ULK2: variants seen among roughly 807,000 people sequenced by gnomAD.
ULK2 encodes the protein serine/threonine-protein kinase ULK2.
A neutral mutation model predicts 127.5 loss-of-function variants in ULK2; 76 were observed. The ratio of observed to expected loss-of-function variants is 0.60; its 90% CI spans 0.50 to 0.72. The LOEUF is 0.72. Among genes scored for constraint, ULK2 ranks in the 30% least tolerant of loss-of-function variants. The probability of loss-of-function intolerance (pLI) is 0.00; values close to 1 mark genes in which losing one functional copy is unlikely to be tolerated. For missense variants in ULK2, 1,144 were observed against 1,295.9 expected (o/e 0.88, Z 1.80); for synonymous variants, 452 against 461.9 (o/e 0.98, Z 0.28).
In ULK2 at chr17:19,796,341, TCAGTA is replaced by T. The variant is rs1243098779; in HGVS notation, c.1810-64_1810-60del. The T allele has an allele frequency of 5.5e-6, 8 of 1,452,068 alleles. No individual in the cohort carries two copies. The East Asian group carries it at 2.0e-4, about 37-fold the overall frequency. 89.9% of individuals were successfully genotyped at this position (1,452,068 alleles called of 1,614,324 possible). A position where few individuals can be genotyped will look rare whatever the true frequency, so the allele number is the denominator to read the frequency against. On this transcript the variant is annotated intron_variant, in intron 18 of 26. Transcript: ENST00000395544. ...CTAGTTAATACGATGCATGAACTAT[TCAGTA>T]CTGGCAGGTTTGTGTGACCCAGTAG...
intron 3 of ULK2, chr17:19,856,242 A>C (rs1352358039): frequency 1.3e-5 from 2 of 152,116 alleles, no homozygotes; most frequent in Non-Finnish European, 2.9e-5. Flanking sequence ...AAATTCACAA[A>C]AACAGAATTA....
At chr17:19,865,905 G>GT in intron 1 of ULK2, 77 bp from the exon 2 acceptor site, 1 of 815,074 alleles carries the variant, frequency 1.2e-6, no homozygotes, top group South Asian at 1.7e-5. Flanking sequence ...GCGCGAAGGT[G>GT]TTTTTGGCAA....
chr17:19,799,679 C>T (rs1207270682), intron 16 of ULK2, 104 bp from the exon 17 acceptor site: 8 of 1,141,488 alleles, frequency 7.0e-6, no homozygotes, highest in Non-Finnish European at 9.4e-6. Flanking sequence ...CAGTAAACTA[C>T]TGGTTAGAAA....
In ULK2 at chr17:19,856,735, G is replaced by T. The variant is rs1457191566; in HGVS notation, c.226-6961C>A. ...CGCCTGGAATCCCAGCACTTTGGGTGGCCGAGGCGGGCAGATCACAAGGTC... is the reference window on the plus strand; with the variant it reads ...CGCCTGGAATCCCAGCACTTTGGGTTGCCGAGGCGGGCAGATCACAAGGTC... On this transcript the variant is annotated intron_variant, in intron 3 of 26. Transcript: ENST00000395544. 2.0e-5 allele frequency among the ~76,000 whole-genome samples: 3 copies of T among 151,746 alleles called. No individual in the cohort carries two copies. In the East Asian group the frequency reaches 5.9e-4, roughly 30 times the overall value.
chr17:19,783,787 C>T lies in ULK2; in HGVS notation c.2370G>A (p.Leu790=), dbSNP rs1219945739. ...GTGAAGCACCGTAAGGCACGTATCT[C>T]AGGCTGGGAGCTGCCTCTGCTCCTG... ...SPPGAEAAPS[L]RYVPYGASPP... is the part of the protein sequence containing the mutation. The change falls in exon 22 of 27, where the codon CTG becomes CTA. Residue 790 remains leucine, a synonymous_variant. Transcript: ENST00000395544. 6.2e-7 allele frequency: 1 copy of T among 1,604,106 alleles called. No individual in the cohort carries two copies. Among genetic ancestry groups the T allele is most frequent in the Non-Finnish European group, 8.5e-7 (1 of 1,175,096 alleles).
At chr17:19,781,240 T>TTA in intron 23 of ULK2, 136 bp from the exon 24 acceptor site, 3 of 651,928 alleles carry the variant, frequency 4.6e-6, no homozygotes, top group Non-Finnish European at 7.5e-6. Flanking sequence ...CTTCTTTCTT[T>TTA]TCTTTTTTTT....
chr17:19,847,698 T>C (rs1333057725), intron 5 of ULK2, among the ~76,000 whole-genome samples: 2 of 152,140 alleles, frequency 1.3e-5, no homozygotes, highest in East Asian at 3.8e-4. Flanking sequence ...TACAGGCATG[T>C]ATCACCATGC....
chr17:19,796,080 G>T lies in ULK2; in HGVS notation c.1997+15C>A. 1 of 1,591,630 alleles carries T rather than the reference G, an allele frequency of 6.3e-7. No homozygotes were observed. The highest frequency in any genetic ancestry group is 8.5e-7 in the Non-Finnish European group (1 of 1,171,602). On this transcript the variant is annotated intron_variant, in intron 19 of 26. Transcript: ENST00000395544. ...AGTTTTCATGTTTAATGCTAGAATGGAAACAGTCTTTTACCTGCCAAACAC... is the reference window on the plus strand; with the variant it reads ...AGTTTTCATGTTTAATGCTAGAATGTAAACAGTCTTTTACCTGCCAAACAC...
intron 8 of ULK2, among the ~76,000 whole-genome samples, chr17:19,842,197 T>C (rs920203709): frequency 4.2e-5 from 6 of 143,548 alleles, no homozygotes; most frequent in East Asian, 2.0e-4. Flanking sequence ...TTTCTTTTTT[T>C]TTTTTTTTTT....
At chr17:19,837,190 G>T (rs1374213076) in intron 10 of ULK2, among the ~76,000 whole-genome samples, 1 of 152,014 alleles carries the variant, frequency 6.6e-6, no homozygotes, top group Non-Finnish European at 1.5e-5. Context: ...GGCCAAGGTG[G>T]GTAGATCGCT....
intron 13 of ULK2, among the ~76,000 whole-genome samples, chr17:19,814,440 T>TATA (rs1567696572): frequency 2.8e-4 from 2 of 7,070 alleles, no homozygotes; most frequent in African/African-American, 3.8e-4. Flanking sequence ...ATATATATAT[T>TATA]TTTTTTTTTT....
chr17:19,780,014 A>G (rs868244842), intron 25 of ULK2, among the ~76,000 whole-genome samples: 17 of 152,098 alleles, frequency 1.1e-4, no homozygotes, highest in African/African-American at 4.1e-4. Flanking sequence ...TCTCTACTAA[A>G]AATACAAAAA....
intron 12 of ULK2, among the ~76,000 whole-genome samples, chr17:19,818,564 G>A (rs2041052539): frequency 6.6e-6 from 1 of 151,954 alleles, no homozygotes; most frequent in South Asian, 2.1e-4. Context: ...TCGTAACAGT[G>A]GAAGAGATGC....
rs2086735453 is a variant in ULK2 at position 19,771,438 on chromosome 17, G to C, written c.*4911C>G. The stretch of plus-strand genomic sequence containing the variant: ...TCTATGCAAGAACTGTGTCCTTTCA[G>C]AAGCTCCAGCCAGAGCGTACGTGGT... On this transcript the variant is annotated 3_prime_UTR_variant, in exon 27 of 27. Coordinates refer to ENST00000395544, the MANE Select transcript of ULK2 (RefSeq NM_014683.4). The C allele has an allele frequency of 6.6e-6, 1 of 152,360 alleles. No homozygotes were observed. The highest frequency in any genetic ancestry group is 2.1e-4 in the South Asian group (1 of 4,834). 9.4% of individuals were successfully genotyped at this position (152,360 alleles called of 1,614,324 possible). A position where few individuals can be genotyped will look rare whatever the true frequency, so the allele number is the denominator to read the frequency against.
At chr17:19,856,930 T>C (rs895439670) in intron 3 of ULK2, among the ~76,000 whole-genome samples, 2 of 118,476 alleles carry the variant, frequency 1.7e-5, no homozygotes, top group African/African-American at 6.8e-5. Context: ...TGAGCCGAGA[T>C]CGCACCACGG....
intron 15 of ULK2, among the ~76,000 whole-genome samples, chr17:19,804,184 A>C (rs1361638419): frequency 2.0e-5 from 3 of 151,916 alleles, no homozygotes; most frequent in Non-Finnish European, 4.4e-5. Flanking sequence ...GGAGTTCAAG[A>C]CCAGCCTGGT....
chr17:19,777,834 TAC>T (rs531443081), intron 25 of ULK2, 118 bp from the exon 26 acceptor site: 10 of 1,260,920 alleles, frequency 7.9e-6, no homozygotes, highest in Non-Finnish European at 1.1e-5. Context: ...GGTAAAGTGA[TAC>T]AGTCTGCAAA....
chr17:19,795,558 C>T, intron 20 of ULK2, 64 bp downstream of exon 20: 1 of 1,271,792 alleles, frequency 7.9e-7, no homozygotes, highest in Non-Finnish European at 1.1e-6. Context: ...GTTACAACAG[C>T]AGTAAGAAAC....
intron 1 of ULK2, among the ~76,000 whole-genome samples, chr17:19,866,674 C>T (rs1398781481): frequency 6.6e-6 from 1 of 152,212 alleles, no homozygotes; most frequent in African/African-American, 2.4e-5. Flanking sequence ...ATTCTAAAAC[C>T]TCGTGTAACT....
Sources: allele counts gnomAD v4.1 joint callset (sites outside exome capture counted in the v4.1 genomes callset), GRCh38; gene constraint gnomAD v4.1.1; transcripts MANE v1.5; gene names NCBI Gene and HGNC (gene_info 2026-07-23, HGNC 2026-07-21).